The following TEX9 variants were observed in gnomAD, a reference collection of about 807,000 sequenced individuals.
The protein encoded by TEX9 is testis-expressed protein 9.
In TEX9, 74 loss-of-function variants were observed where a neutral mutation model predicts 59.6. The observed-to-expected ratio is 1.24, with a 90% CI of 1.03 to 1.51. The LOEUF (loss-of-function observed/expected upper bound fraction) is 1.51, where lower values mean the gene tolerates loss of function less well. TEX9 is among the 40% of genes most tolerant of loss of function. The probability of loss-of-function intolerance (pLI) is 0.00; values close to 1 mark genes in which losing one functional copy is unlikely to be tolerated. For synonymous variants in TEX9, 186 were observed against 152.2 expected (o/e 1.22, Z -1.64); for missense variants, 522 against 447.8 (o/e 1.17, Z -1.49).
intron 1 of TEX9, among the ~76,000 whole-genome samples, chr15:56,263,797 G>A (rs928153607): frequency 6.6e-6 from 1 of 152,108 alleles, no homozygotes; most frequent in African/African-American, 2.4e-5. Context: ...TAAGTGGAAC[G>A]ATATAATATG....
At chr15:56,404,111 A>G (rs1350133623) in intron 9 of TEX9, among the ~76,000 whole-genome samples, 1 of 152,240 alleles carries the variant, frequency 6.6e-6, no homozygotes, top group African/African-American at 2.4e-5. Flanking sequence ...AAGCAATGGC[A>G]ACAAAAGCCA....
chr15:56,444,379 A>G, intron 12 of TEX9: 1 of 1,399,076 alleles, frequency 7.1e-7, no homozygotes, highest in Non-Finnish European at 9.7e-7. Flanking sequence ...TCAGTTCCTC[A>G]CAACAAACCT....
chr15:56,451,996 T>C, the TEX9 span, among the ~76,000 whole-genome samples: 1 of 152,204 alleles, frequency 6.6e-6, no homozygotes, highest in African/African-American at 2.4e-5. Flanking sequence ...ATTTCATCAA[T>C]TTTGGCAAAT....
At chr15:56,244,633 A>G (rs1009383865) in intron 1 of TEX9, among the ~76,000 whole-genome samples, 3 of 84,644 alleles carry the variant, frequency 3.5e-5, no homozygotes, top group Admixed American at 1.9e-4. Flanking sequence ...ACCGCTCCCA[A>G]TTCCACCCAG....
rs373353578 is a variant in TEX9, at chr15:56,416,451, C to T, written c.963+4015C>T. Among the ~76,000 whole-genome samples the T allele has an allele frequency of 1.6e-3, 248 of 151,990 alleles. 7 individuals carry two copies. Among genetic ancestry groups the T allele is most frequent in the African/African-American group, 5.8e-3 (241 of 41,290 alleles). On this transcript the variant is annotated intron_variant, in intron 10 of 12. Transcript: ENST00000352903. ...TGTTGAATTTTATTGAAAGCCTGTTCTGCATCTATTGAGGTAATCGTGGTT... is the reference window on the plus strand; with the variant it reads ...TGTTGAATTTTATTGAAAGCCTGTTTTGCATCTATTGAGGTAATCGTGGTT...
At chr15:56,389,228 G>T (rs180670738) in intron 5 of TEX9, 90 bp from the exon 6 acceptor site, 8 of 991,096 alleles carry the variant, frequency 8.1e-6, no homozygotes, top group Non-Finnish European at 1.1e-5. Context: ...CAGTTTTTCT[G>T]TGTAGCAAAA....
At chr15:56,272,949 TG>T (rs2044578984) in intron 1 of TEX9, among the ~76,000 whole-genome samples, 1 of 150,778 alleles carries the variant, frequency 6.6e-6, no homozygotes, top group African/African-American at 2.4e-5. Flanking sequence ...TTTTTTTTGT[TG>T]TTGTTGTTGT....
At chr15:56,335,545 C>T (rs528075815) in intron 1 of TEX9, among the ~76,000 whole-genome samples, 1 of 151,908 alleles carries the variant, frequency 6.6e-6, no homozygotes, top group South Asian at 2.1e-4. Context: ...TTAATGGGTA[C>T]AAAAAATAGT....
At chr15:56,277,340 T>C (rs1320770607) in intron 1 of TEX9, among the ~76,000 whole-genome samples, 1 of 152,202 alleles carries the variant, frequency 6.6e-6, no homozygotes, top group Non-Finnish European at 1.5e-5. Context: ...CATCTTGAGT[T>C]AATTTTTGTT....
chr15:56,428,998 A>G, intron 12 of TEX9: 1 of 607,464 alleles, frequency 1.6e-6, no homozygotes, highest in Non-Finnish European at 2.8e-6. Flanking sequence ...CAAAATCCAA[A>G]CAGACAATGG....
rs754197436 is a variant in TEX9 at position 56,431,424 on chromosome 15, C to A, written c.*29+2951C>A. On this transcript the variant is annotated intron_variant, in intron 12 of 12. Transcript: ENST00000352903. Reference sequence around the variant, plus strand: ...TAGCATGCTCTTTAAGAAGTTTTAGCCTTTCTTCTTCAATAATTGCATTAA... The same window carrying A: ...TAGCATGCTCTTTAAGAAGTTTTAGACTTTCTTCTTCAATAATTGCATTAA... 33 of 1,613,374 alleles carry A rather than the reference C, an allele frequency of 2.0e-5. No individual in the cohort carries two copies. The highest frequency in any genetic ancestry group is 2.5e-5 in the Non-Finnish European group (30 of 1,179,814).
intron 10 of TEX9, among the ~76,000 whole-genome samples, chr15:56,415,201 C>CGAAAA (rs1567134993): frequency 6.6e-6 from 1 of 150,846 alleles, no homozygotes; most frequent in Non-Finnish European, 1.5e-5. Flanking sequence ...TTTACTCTGC[C>CGAAAA]GATCATTTAT....
intron 1 of TEX9, among the ~76,000 whole-genome samples, chr15:56,338,417 G>A (rs984728034): frequency 6.6e-6 from 1 of 152,174 alleles, no homozygotes; most frequent in Non-Finnish European, 1.5e-5. Flanking sequence ...TTTGGGTGGT[G>A]CAGTATATGA....
At chr15:56,306,072 A>G (rs1357533221) in intron 1 of TEX9, among the ~76,000 whole-genome samples, 1 of 152,196 alleles carries the variant, frequency 6.6e-6, no homozygotes, top group African/African-American at 2.4e-5. Context: ...ACCAGTTAAG[A>G]TGGCTTTTAT....
chr15:56,244,075 T>A (rs2141259611), exon 1 of TEX9: 1 of 149,516 alleles, frequency 6.7e-6, no homozygotes, highest in Non-Finnish European at 1.5e-5. Flanking sequence ...CAGGAAAACG[T>A]GGGGGAGGTG....
intron 1 of TEX9, among the ~76,000 whole-genome samples, chr15:56,252,379 C>CTTTTTTTTTTTTTTTTTTTTTTTTTTTTT (rs3050136): frequency 8.4e-6 from 1 of 119,700 alleles, no homozygotes. Flanking sequence ...TTAGAAAAAC[C>CTTTTTTTTTTTTTTTTTTTTTTTTTTTTT]TTTTTTTTTT....
chr15:56,277,076 T>C (rs1387576776), intron 1 of TEX9, among the ~76,000 whole-genome samples: 1 of 152,202 alleles, frequency 6.6e-6, no homozygotes, highest in Non-Finnish European at 1.5e-5. Flanking sequence ...TAGACCTTTG[T>C]CAGATGGATA....
chr15:56,365,440 A>G, exon 1 of TEX9: 2 of 1,609,644 alleles, frequency 1.2e-6, no homozygotes. Context: ...ACCGCGTCGC[A>G]GTCGCCGAAG....
chr15:56,322,596 A>G (rs2045926942), intron 1 of TEX9, among the ~76,000 whole-genome samples: 2 of 152,142 alleles, frequency 1.3e-5, no homozygotes, highest in African/African-American at 4.8e-5. Flanking sequence ...AAATGCTGCT[A>G]GGCAACTTGA....
Sources: gnomAD v4.1 joint callset for allele counts (sites outside exome capture counted in the v4.1 genomes callset) on GRCh38, gnomAD v4.1.1 for gene constraint, MANE v1.5 for transcripts, NCBI Gene and HGNC (gene_info 2026-07-23, HGNC 2026-07-21) for gene names.